Variants in SLC35F1 observed in about 807,000 individuals in gnomAD.
SLC35F1 encodes the protein chromosome 6 open reading frame 169.
Under a neutral mutation model 48.7 loss-of-function variants are expected in SLC35F1, and 14 were observed. The observed-to-expected ratio is 0.29, with a 90% confidence interval of 0.19 to 0.45. SLC35F1 has a LOEUF of 0.45. SLC35F1 is among the 20% of genes least tolerant of loss of function. The pLI is 1.00. For synonymous variants in SLC35F1, 190 were observed against 202.2 expected (o/e 0.94, Z 0.51); for missense variants, 404 against 500.0 (o/e 0.81, Z 1.83).
intron 6 of SLC35F1, among the ~76,000 whole-genome samples, chr6:118,281,572 T>C (rs1218496674): frequency 1.3e-5 from 2 of 152,188 alleles, no homozygotes; most frequent in Non-Finnish European, 2.9e-5. Context: ...GTCCCTCTGT[T>C]TGGGGTCAGA....
At chr6:118,171,429 T>C (rs1391938696) in intron 2 of SLC35F1, among the ~76,000 whole-genome samples, 1 of 152,224 alleles carries the variant, frequency 6.6e-6, no homozygotes, top group Non-Finnish European at 1.5e-5. Flanking sequence ...ATTCCATCCA[T>C]TTTTATAGAA....
rs1775227730 is a variant in SLC35F1 at position 118,227,017 on chromosome 6, A to T, written c.350-8492A>T. Among the ~76,000 whole-genome samples the T allele has an allele frequency of 2.0e-5, 3 of 152,354 alleles. 1 individual carries two copies. Among genetic ancestry groups the T allele is most frequent in the South Asian group, 4.1e-4 (2 of 4,830 alleles). On this transcript the variant is annotated intron_variant, in intron 2 of 7. Coordinates refer to ENST00000360388, the MANE Select transcript of SLC35F1 (RefSeq NM_001029858.4). Reference sequence around the variant, plus strand: ...AATTAAAAAGTGACAAAGTTGCTCAACATTGTGCACACCATGGGTGGAATA... The same window carrying T: ...AATTAAAAAGTGACAAAGTTGCTCATCATTGTGCACACCATGGGTGGAATA...
At position 118,112,726 on chromosome 6, in the gene SLC35F1, A is replaced by G. The variant is rs565792296; in HGVS notation, c.174-41719A>G. On this transcript the variant is annotated intron_variant, in intron 1 of 7. Transcript: ENST00000360388. ...AAAATGTTTTAAAAAAATATAATTG[A>G]TATACTAAGAGAGGAGAGGAAATAG... Among the ~76,000 whole-genome samples the G allele has an allele frequency of 3.3e-3, 509 of 152,310 alleles. 5 individuals are homozygous for G. Among genetic ancestry groups the G allele is most frequent in the South Asian group, 0.025 (119 of 4,822 alleles).
At chr6:118,113,365 G>T (rs1773435571) in intron 1 of SLC35F1, among the ~76,000 whole-genome samples, 2 of 152,112 alleles carry the variant, frequency 1.3e-5, no homozygotes, top group South Asian at 4.1e-4. Context: ...GGGATTACAG[G>T]TGCGAGACCT....
At chr6:118,146,886 A>G (rs1159723074) in intron 1 of SLC35F1, among the ~76,000 whole-genome samples, 2 of 152,230 alleles carry the variant, frequency 1.3e-5, no homozygotes, top group Non-Finnish European at 2.9e-5. Flanking sequence ...AGATTTTAGG[A>G]TCAAAGATAC....
intron 2 of SLC35F1, among the ~76,000 whole-genome samples, chr6:118,164,177 T>C (rs527966459): frequency 6.6e-6 from 1 of 152,230 alleles, no homozygotes; most frequent in Non-Finnish European, 1.5e-5. Flanking sequence ...GTTAAAGTGA[T>C]TGGGCTCTTT....
intron 3 of SLC35F1, among the ~76,000 whole-genome samples, chr6:118,259,601 C>T (rs369733194): frequency 6.6e-6 from 1 of 151,162 alleles, no homozygotes. Context: ...ACAAAAATGG[C>T]CAATAAGCAT....
intron 2 of SLC35F1, among the ~76,000 whole-genome samples, chr6:118,230,161 GA>G (rs935142041): frequency 9.2e-5 from 14 of 152,204 alleles, no homozygotes; most frequent in African/African-American, 3.4e-4. Context: ...CCAACATGGT[GA>G]AACCTCATCT....
intron 7 of SLC35F1, among the ~76,000 whole-genome samples, chr6:118,300,456 T>C (rs982443071): frequency 5.3e-5 from 8 of 152,226 alleles, no homozygotes; most frequent in African/African-American, 1.2e-4. Flanking sequence ...AACTTATGTA[T>C]TGCTAAAACA....
chr6:118,083,406 T>C (rs1772940845), intron 1 of SLC35F1, among the ~76,000 whole-genome samples: 1 of 152,186 alleles, frequency 6.6e-6, no homozygotes, highest in Non-Finnish European at 1.5e-5. Flanking sequence ...GTACTGAGAA[T>C]ACGTCCTTGA....
At chr6:118,088,946 A>G (rs1773032221) in intron 1 of SLC35F1, among the ~76,000 whole-genome samples, 1 of 152,228 alleles carries the variant, frequency 6.6e-6, no homozygotes, top group Non-Finnish European at 1.5e-5. Context: ...GTGGACTAGC[A>G]GCAGCTGTGG....
At chr6:118,049,243 C>T (rs9489301) in intron 1 of SLC35F1, among the ~76,000 whole-genome samples, 1,784 of 152,210 alleles carry the variant, frequency 0.012, 16 homozygotes, top group Middle Eastern at 0.031. Context: ...AAATGTTAGA[C>T]CTAAAACCAT....
chr6:118,306,072 G>A (rs1776308238), intron 7 of SLC35F1, among the ~76,000 whole-genome samples: 2 of 152,146 alleles, frequency 1.3e-5, no homozygotes. Context: ...CCCTGGTAAA[G>A]TAATAGTCCA....
chr6:117,958,050 G>A (rs754966593), intron 1 of SLC35F1, among the ~76,000 whole-genome samples: 1 of 152,120 alleles, frequency 6.6e-6, no homozygotes, highest in Non-Finnish European at 1.5e-5. Flanking sequence ...GACAAGATGT[G>A]GAGTGGAAGA....
chr6:118,191,564 G>A (rs1041815189), intron 2 of SLC35F1, among the ~76,000 whole-genome samples: 5 of 152,244 alleles, frequency 3.3e-5, no homozygotes, highest in Admixed American at 6.5e-5. Context: ...ATTATGAACC[G>A]AAAGTTCAAG....
At chr6:117,918,700 A>G (rs1775858299) in intron 1 of SLC35F1, among the ~76,000 whole-genome samples, 2 of 152,302 alleles carry the variant, frequency 1.3e-5, no homozygotes, top group South Asian at 4.1e-4. Context: ...ATGAGCAGAA[A>G]GAAGCTACCG....
At chr6:117,996,615 G>A (rs1776995756) in intron 1 of SLC35F1, among the ~76,000 whole-genome samples, 2 of 152,150 alleles carry the variant, frequency 1.3e-5, no homozygotes, top group African/African-American at 4.8e-5. Flanking sequence ...AGCAGCATTC[G>A]CGGTTCATGA....
Position 118,001,604 on chromosome 6 carries a change from T to C in SLC35F1, c.173+93705T>C, listed in dbSNP as rs1777095987. Among the ~76,000 whole-genome samples the C allele has an allele frequency of 2.6e-5, 4 of 151,664 alleles. No homozygotes were observed. In the South Asian group the frequency reaches 8.3e-4, roughly 32 times the overall value. ...CAAAAGCCAAAATTGACAAATGGGA[T>C]CTAATTAAACTAAAGAGCTTCTGCA... On this transcript the variant is annotated intron_variant, in intron 1 of 7. Coordinates refer to ENST00000360388, the MANE Select transcript of SLC35F1 (RefSeq NM_001029858.4).
At chr6:118,268,582 A>ATG (rs1366252399) in intron 4 of SLC35F1, among the ~76,000 whole-genome samples, 5,173 of 101,164 alleles carry the variant, frequency 0.051, 438 homozygotes, top group African/African-American at 0.17. Context: ...AGTCATATAT[A>ATG]TGTATATATA....
Sources: allele counts gnomAD v4.1 joint callset (sites outside exome capture counted in the v4.1 genomes callset), GRCh38; gene constraint gnomAD v4.1.1; transcripts MANE v1.5; gene names NCBI Gene and HGNC (gene_info 2026-07-23, HGNC 2026-07-21).